The following LGR4 variants were observed in gnomAD, a reference collection of about 807,000 sequenced individuals.
The protein encoded by LGR4 is leucine rich repeat containing G protein-coupled receptor 4.
Under a neutral mutation model 84.8 loss-of-function variants are expected in LGR4, and 44 were observed. The observed-to-expected ratio is 0.52, with a 90% CI of 0.41 to 0.67. LGR4 has a LOEUF of 0.67. Ranked by LOEUF, LGR4 falls within the 30% of genes least tolerant of loss-of-function variation. The pLI, the probability that LGR4 is intolerant of heterozygous loss-of-function variation, is 0.00. For synonymous variants in LGR4, 429 were observed against 434.3 expected (o/e 0.99, Z 0.15); for missense variants, 1,032 against 1,131.4 (o/e 0.91, Z 1.26).
chr11:27,379,947 T>C (rs1298287967), intron 10 of LGR4, among the ~76,000 whole-genome samples: 1 of 152,204 alleles, frequency 6.6e-6, no homozygotes, highest in Non-Finnish European at 1.5e-5. Flanking sequence ...ATTCAAACCT[T>C]CTACCTCCTC....
chr11:27,377,505 A>G (rs1329065506), intron 11 of LGR4, among the ~76,000 whole-genome samples: 6 of 151,714 alleles, frequency 4.0e-5, no homozygotes, highest in Admixed American at 1.3e-4. Context: ...TACATAACAT[A>G]AATATATAAA....
chr11:27,394,906 A>G (rs190205340), intron 2 of LGR4, among the ~76,000 whole-genome samples: 3 of 152,116 alleles, frequency 2.0e-5, no homozygotes, highest in Admixed American at 2.0e-4. Context: ...TTCTGTTACC[A>G]CCCACCAACA....
intron 1 of LGR4, among the ~76,000 whole-genome samples, chr11:27,457,403 T>C (rs1205747448): frequency 2.0e-5 from 3 of 152,304 alleles, no homozygotes; most frequent in African/African-American, 7.2e-5. Flanking sequence ...CTAGGTATCA[T>C]AAAGGGAGCT....
chr11:27,472,088 C>A (rs1009840631), intron 1 of LGR4, 30 bp downstream of exon 1: 17 of 1,284,344 alleles, frequency 1.3e-5, no homozygotes, highest in East Asian at 6.6e-5. Context: ...TTTCCTCCCC[C>A]CCCCTCGCGT....
intron 1 of LGR4, among the ~76,000 whole-genome samples, chr11:27,443,085 A>G (rs151194929): frequency 6.6e-6 from 1 of 152,306 alleles, no homozygotes; most frequent in African/African-American, 2.4e-5. Context: ...AACTTGCCCA[A>G]GGAAACACTG....
chr11:27,444,196 TATC>T (rs1173505377), intron 1 of LGR4, among the ~76,000 whole-genome samples: 1 of 152,184 alleles, frequency 6.6e-6, no homozygotes, highest in African/African-American at 2.4e-5. Context: ...GCTTAAATAT[TATC>T]ATCAGTAACA....
At chr11:27,457,050 G>A (rs892631723) in intron 1 of LGR4, among the ~76,000 whole-genome samples, 3 of 152,026 alleles carry the variant, frequency 2.0e-5, no homozygotes, top group Non-Finnish European at 4.4e-5. Flanking sequence ...CTACAGGGAT[G>A]AGCAAACTTA....
At chr11:27,390,721 T>A (rs185184612) in intron 4 of LGR4, among the ~76,000 whole-genome samples, 55 of 152,320 alleles carry the variant, frequency 3.6e-4, no homozygotes, top group African/African-American at 1.3e-3. Context: ...TTTGTTCTGA[T>A]TATCATTACC....
intron 2 of LGR4, among the ~76,000 whole-genome samples, chr11:27,393,129 G>A (rs1863317430): frequency 6.6e-6 from 1 of 152,136 alleles, no homozygotes. Flanking sequence ...AATAAGGAAA[G>A]GATAAGAATT....
chr11:27,442,982 G>A (rs1205410417), intron 1 of LGR4, among the ~76,000 whole-genome samples: 1 of 152,124 alleles, frequency 6.6e-6, no homozygotes, highest in Non-Finnish European at 1.5e-5. Flanking sequence ...GACACATATC[G>A]TGCTCAACTC....
At chr11:27,382,081 T>C in intron 7 of LGR4, 107 bp downstream of exon 7, 4 of 738,554 alleles carry the variant, frequency 5.4e-6, no homozygotes, top group Non-Finnish European at 7.1e-6. Context: ...TGTGCATGTA[T>C]TATGGATATA....
In LGR4 at chr11:27,384,324, G is replaced by A. The variant is rs376030077; in HGVS notation, c.689+12C>T. Reference sequence around the variant, plus strand: ...ATCACAATGCAGTTGCCCAAAATATGAATATACTTACAAGGTCTCCAGGTT... The same window carrying A: ...ATCACAATGCAGTTGCCCAAAATATAAATATACTTACAAGGTCTCCAGGTT... On this transcript the variant is annotated intron_variant, in intron 6 of 17. Transcript: ENST00000379214. 1.2e-5 allele frequency: 18 copies of A among 1,559,466 alleles called. No homozygotes were observed. The highest frequency in any genetic ancestry group is 6.7e-5 in the East Asian group (3 of 44,486).
chr11:27,455,436 TA>T (rs984089092), intron 1 of LGR4, among the ~76,000 whole-genome samples: 4 of 152,142 alleles, frequency 2.6e-5, no homozygotes, highest in Non-Finnish European at 4.4e-5. Flanking sequence ...CTGAAAAGTT[TA>T]ACAAATAATA....
chr11:27,453,432 A>G (rs1864519924), intron 1 of LGR4, among the ~76,000 whole-genome samples: 1 of 151,898 alleles, frequency 6.6e-6, no homozygotes, highest in African/African-American at 2.4e-5. Flanking sequence ...ATAGATATTG[A>G]CTAATTATCT....
At chr11:27,469,560 C>A (rs1438917953) in intron 1 of LGR4, among the ~76,000 whole-genome samples, 1 of 152,102 alleles carries the variant, frequency 6.6e-6, no homozygotes, top group Non-Finnish European at 1.5e-5. Context: ...TGAAATGCAC[C>A]CCCCACCCCT....
At chr11:27,450,086 T>C (rs1864456677) in intron 1 of LGR4, among the ~76,000 whole-genome samples, 1 of 152,248 alleles carries the variant, frequency 6.6e-6, no homozygotes, top group African/African-American at 2.4e-5. Flanking sequence ...GGCATACTAG[T>C]ATTTTTATTG....
chr11:27,469,993 C>G (rs1244234031), intron 1 of LGR4, among the ~76,000 whole-genome samples: 1 of 152,104 alleles, frequency 6.6e-6, no homozygotes, highest in Non-Finnish European at 1.5e-5. Flanking sequence ...TCCTTGAAAA[C>G]CCTTTTAGAG....
intron 6 of LGR4, among the ~76,000 whole-genome samples, chr11:27,382,756 T>A (rs557575504): frequency 6.6e-6 from 1 of 152,300 alleles, no homozygotes; most frequent in South Asian, 2.1e-4. Flanking sequence ...CAGTGGTTCA[T>A]GCCTGTAATC....
At chr11:27,428,482 T>C (rs1033294815) in intron 1 of LGR4, among the ~76,000 whole-genome samples, 7 of 152,226 alleles carry the variant, frequency 4.6e-5, no homozygotes, top group African/African-American at 1.7e-4. Flanking sequence ...TGTTAGTATC[T>C]TGTGAGCACG....
Sources: gnomAD v4.1 joint callset for allele counts (sites outside exome capture counted in the v4.1 genomes callset) on GRCh38, gnomAD v4.1.1 for gene constraint, MANE v1.5 for transcripts, NCBI Gene and HGNC (gene_info 2026-07-23, HGNC 2026-07-21) for gene names.